The following SLC9A7 variants were observed in gnomAD, a reference collection of about 807,000 sequenced individuals.
The protein encoded by SLC9A7 is sodium/hydrogen exchanger 7.
Under a neutral mutation model 52.6 loss-of-function variants are expected in SLC9A7, and 19 were observed. The observed-to-expected ratio is 0.36, with a 90% confidence interval of 0.25 to 0.53. SLC9A7 has a LOEUF of 0.53. Ranked by LOEUF, SLC9A7 falls within the 20% of genes least tolerant of loss-of-function variation. SLC9A7 has a pLI of 0.91. For synonymous variants in SLC9A7, 226 were observed against 252.1 expected, an observed-to-expected ratio of 0.90 and a Z score of 0.98; for missense variants, 455 against 597.9, an observed-to-expected ratio of 0.76 and a Z score of 2.49.
Position 46,669,711 on chromosome X carries a change from A to G in SLC9A7, c.689T>C (p.Met230Thr), listed in dbSNP as rs1943987202. The G allele has an allele frequency of 9.0e-7, 1 of 1,106,490 alleles. No individual in the cohort carries two copies. The highest frequency in any genetic ancestry group is 1.9e-5 in the African/African-American group (1 of 53,567). The allele number at this position is 1,106,490 out of a possible 1,213,427, so 91.2% of individuals were successfully genotyped here. Residue 230 changes from methionine to threonine, a missense_variant, in exon 5 of 17, where the codon ATG (methionine) becomes ACG (threonine). This residue lies in a region of SLC9A7 where 304 missense variants were observed against 417.8 expected (regional missense o/e 0.73). Coordinates refer to ENST00000616978, the MANE Select transcript of SLC9A7 (RefSeq NM_001257291.2). Reference protein sequence around the residue: ...AVSCFIIGNLMYGVVKLMKIM... With the variant: ...AVSCFIIGNLTYGVVKLMKIM... ...CTTCATGAGCTTCACCACACCATAC[A>G]TGAGATTTCTGTAAGAAGGTAAGGT...
At chrX:46,712,506 A>G (rs979072165) in intron 1 of SLC9A7, among the ~76,000 whole-genome samples, 7 of 111,481 alleles carry the variant, frequency 6.3e-5, no homozygotes, top group African/African-American at 2.3e-4. Context: ...CCATTAATCA[A>G]AACACCTCCA....
chrX:46,738,903 A>G, intron 1 of SLC9A7, among the ~76,000 whole-genome samples: 1 of 111,834 alleles, frequency 8.9e-6, no homozygotes, highest in East Asian at 2.8e-4. Context: ...ATCACTGTTA[A>G]TGTGGCTCTC....
intron 7 of SLC9A7, among the ~76,000 whole-genome samples, chrX:46,658,627 A>C (rs1229674088): frequency 9.0e-5 from 10 of 111,164 alleles, no homozygotes; most frequent in Non-Finnish European, 1.7e-4. Context: ...ATCTAGAAGA[A>C]ATGGATAAAT....
chrX:46,646,303 T>TA (rs1323772595), intron 11 of SLC9A7, among the ~76,000 whole-genome samples: 1 of 111,178 alleles, frequency 9.0e-6, no homozygotes, highest in East Asian at 2.8e-4. Flanking sequence ...AAAGCCCTGG[T>TA]AAAAACCCAA....
chrX:46,666,035 C>T (rs942020406), intron 5 of SLC9A7, among the ~76,000 whole-genome samples: 10 of 111,909 alleles, frequency 8.9e-5, no homozygotes, highest in Non-Finnish European at 1.7e-4. Flanking sequence ...AAGCCAAGTA[C>T]AGTAATCAGG....
intron 11 of SLC9A7, chrX:46,646,928 G>C (rs180960975): frequency 3.2e-6 from 1 of 313,443 alleles, no homozygotes; most frequent in African/African-American, 2.7e-5. Flanking sequence ...ACATACCTGC[G>C]ATCTTTACTG....
rs190085259 is a variant in SLC9A7 at position 46,672,655 on chromosome X, G to A, written c.604-28C>T. ...GAATAAAACAAACAAACAAAACCCA[G>A]GAATCACATTGTGATTTTCAACAAT... is the stretch of plus-strand genomic sequence containing the variant. On this transcript the variant is annotated intron_variant, in intron 3 of 16. Coordinates refer to ENST00000616978, the MANE Select transcript of SLC9A7 (RefSeq NM_001257291.2). The A allele has an allele frequency of 9.6e-5, 102 of 1,060,571 alleles. No homozygotes were observed. In the East Asian group the frequency reaches 3.1e-3, roughly 32 times the overall value. The allele number at this position is 1,060,571 out of a possible 1,213,427, so 87.4% of individuals were successfully genotyped here.
intron 1 of SLC9A7, among the ~76,000 whole-genome samples, chrX:46,713,391 C>T (rs1944720198): frequency 9.1e-6 from 1 of 109,504 alleles, no homozygotes. Context: ...ATCCCAGCTA[C>T]TTGGGAGGCT....
chrX:46,657,484 C>T (rs1373551612), intron 7 of SLC9A7, among the ~76,000 whole-genome samples: 5 of 110,264 alleles, frequency 4.5e-5, no homozygotes, highest in African/African-American at 9.9e-5. Flanking sequence ...ACCCAACTCA[C>T]GTGCAGAGAC....
At chrX:46,718,502 G>C (rs1470000430) in intron 1 of SLC9A7, among the ~76,000 whole-genome samples, 1 of 111,952 alleles carries the variant, frequency 8.9e-6, no homozygotes, top group Non-Finnish European at 1.9e-5. Context: ...CCATCAGAGT[G>C]AACAGGCAAC....
chrX:46,708,691 AG>A (rs1488375962), intron 1 of SLC9A7, among the ~76,000 whole-genome samples: 1 of 112,098 alleles, frequency 8.9e-6, no homozygotes, highest in African/African-American at 3.2e-5. Flanking sequence ...TAAGTCACTC[AG>A]CCCCAAACTA....
At chrX:46,699,286 C>T (rs1347575766) in intron 1 of SLC9A7, among the ~76,000 whole-genome samples, 1 of 111,893 alleles carries the variant, frequency 8.9e-6, no homozygotes, top group African/African-American at 3.2e-5. Flanking sequence ...CGCCATGAAG[C>T]TCTTGGGTGA....
At chrX:46,628,732 CAT>C (rs1484386112) in intron 14 of SLC9A7, among the ~76,000 whole-genome samples, 1 of 112,307 alleles carries the variant, frequency 8.9e-6, no homozygotes, top group Non-Finnish European at 1.9e-5. Context: ...GGAGAACAAA[CAT>C]CTGGACTTTC....
intron 7 of SLC9A7, among the ~76,000 whole-genome samples, chrX:46,656,570 A>T (rs1943697813): frequency 8.9e-6 from 1 of 112,682 alleles, no homozygotes; most frequent in African/African-American, 3.2e-5. Flanking sequence ...AACTACGTGA[A>T]GAATGCAGAA....
At chrX:46,713,954 T>C in intron 1 of SLC9A7, among the ~76,000 whole-genome samples, 1 of 110,572 alleles carries the variant, frequency 9.0e-6, no homozygotes, top group South Asian at 3.8e-4. Flanking sequence ...GTAGTTATTT[T>C]TCCTAAACCA....
intron 4 of SLC9A7, among the ~76,000 whole-genome samples, chrX:46,670,895 C>A (rs767406373): frequency 2.3e-4 from 26 of 111,481 alleles, no homozygotes; most frequent in Admixed American, 6.7e-4. Context: ...GGAACAAGAC[C>A]TTCCTCTCCA....
intron 1 of SLC9A7, among the ~76,000 whole-genome samples, chrX:46,736,577 G>A (rs1945125990): frequency 9.0e-6 from 1 of 110,969 alleles, no homozygotes; most frequent in Non-Finnish European, 1.9e-5. Flanking sequence ...TTTTCTGATA[G>A]GCCTTTAGCA....
At chrX:46,720,940 C>T (rs1403045759) in intron 1 of SLC9A7, among the ~76,000 whole-genome samples, 1 of 111,724 alleles carries the variant, frequency 9.0e-6, no homozygotes, top group Non-Finnish European at 1.9e-5. Flanking sequence ...TAAAGCATCA[C>T]ATGAGTGGAT....
intron 1 of SLC9A7, among the ~76,000 whole-genome samples, chrX:46,738,228 C>A (rs926132802): frequency 8.9e-6 from 1 of 112,005 alleles, no homozygotes; most frequent in Non-Finnish European, 1.9e-5. Context: ...AACTTGTTTT[C>A]GTTAACTTAT....
Sources: gnomAD v4.1 joint callset for allele counts (sites outside exome capture counted in the v4.1 genomes callset) on GRCh38, gnomAD v4.1.1 for gene constraint, gnomAD v4.1.1 regional missense constraint, MANE v1.5 for transcripts, NCBI Gene and HGNC (gene_info 2026-07-23, HGNC 2026-07-21) for gene names.